The following APBB3 variants were observed in gnomAD, a reference collection of about 807,000 sequenced individuals.
APBB3 encodes amyloid beta precursor protein binding family B member 3, also known as amyloid-beta A4 precursor protein-binding family B member 3.
In APBB3, 50 loss-of-function variants were observed where a neutral mutation model predicts 61.5. The observed-to-expected ratio is 0.81, with a 90% CI of 0.65 to 1.03. The LOEUF is 1.03. APBB3 is among the 50% of genes least tolerant of loss of function. The pLI is 0.00. For synonymous variants in APBB3, 235 were observed against 233.0 expected (o/e 1.01, Z -0.08); for missense variants, 550 against 637.4 (o/e 0.86, Z 1.48).
At position 140,563,901 on chromosome 5, in the gene APBB3, C is replaced by G; in HGVS notation, c.64G>C (p.Asp22His). ...LVNCDDDLWG[D>H]HSLEVEAGLP... ...CCAGCCTCCACCTCCAGACTGTGGT[C>G]CCCCCACAAGTCATCTACAGGAACA... The change falls in exon 2 of 13, where the codon GAC becomes CAC. Residue 22 changes from aspartate (D) to histidine (H), a missense_variant. Asp to His is a moderately conservative substitution (Grantham distance 81). Transcript: ENST00000357560. The G allele has an allele frequency of 6.2e-7, 1 of 1,613,638 alleles. No individual in the cohort carries two copies. The highest frequency in any genetic ancestry group is 8.5e-7 in the Non-Finnish European group (1 of 1,179,894).
intron 3 of APBB3, 120 bp from the exon 4 acceptor site, chr5:140,562,843 A>G: frequency 1.1e-6 from 1 of 897,972 alleles, no homozygotes; most frequent in Non-Finnish European, 1.8e-6. Flanking sequence ...CACCAGAAAT[A>G]TAAAACCAGA....
rs1429641321 is a variant in APBB3 at position 140,562,247 on chromosome 5, G to T, written c.499-20C>A. 1 of 1,613,878 alleles carries T rather than the reference G, an allele frequency of 6.2e-7. No homozygotes were observed. Among genetic ancestry groups the T allele is most frequent in the Non-Finnish European group, 8.5e-7 (1 of 1,179,916 alleles). ...CTGGCCCTGCCAAGGACAGAGGTCA[G>T]CCCAGAGCTCAGATAAAGGTCATTG... On this transcript the variant is annotated intron_variant, in intron 5 of 12. Coordinates refer to ENST00000357560, the MANE Select transcript of APBB3 (RefSeq NM_133173.3).
chr5:140,561,225 TC>T, intron 9 of APBB3, 124 bp from the exon 10 acceptor site: 1 of 1,439,394 alleles, frequency 6.9e-7, no homozygotes, highest in Non-Finnish European at 9.7e-7. Flanking sequence ...TAGATGCTCC[TC>T]CAACTAGTGG....
intron 1 of APBB3, 24 bp from the exon 2 acceptor site, chr5:140,563,939 G>A: frequency 6.2e-7 from 1 of 1,609,512 alleles, no homozygotes; most frequent in Non-Finnish European, 8.5e-7. Flanking sequence ...GGATTAGAGA[G>A]GAGGGAGCAT....
Position 140,562,736 on chromosome 5 carries a change from A to G in APBB3, c.291-13T>C. The G allele has an allele frequency of 6.2e-7, 1 of 1,614,096 alleles. No individual in the cohort carries two copies. Among genetic ancestry groups the G allele is most frequent in the Non-Finnish European group, 8.5e-7 (1 of 1,179,916 alleles). On this transcript the variant is annotated splice_polypyrimidine_tract_variant and intron_variant, in intron 3 of 12. Coordinates refer to ENST00000357560, the MANE Select transcript of APBB3 (RefSeq NM_133173.3). ...GGACAGAGAGTTACTGAAACAGAGC[A>G]GAGCTGTTAAGAGGACCACATTTCC...
In APBB3 at chr5:140,560,459, G is replaced by A. The variant is rs115611231; in HGVS notation, c.1078C>T (p.Arg360Cys). The A allele has an allele frequency of 9.9e-6, 16 of 1,614,076 alleles. No homozygotes were observed. Among genetic ancestry groups the A allele is most frequent in the East Asian group, 2.2e-5 (1 of 44,886 alleles). The change falls in exon 12 of 13, where the codon CGC becomes TGC. Residue 360 changes from arginine (R) to cysteine (C), a missense_variant. Arg to Cys is a radical substitution (Grantham distance 180). This residue lies in a region of APBB3 where 405 missense variants were observed against 483.4 expected (regional missense o/e 0.84). Transcript: ENST00000357560. The surrounding 1 kb of genome is among the most constrained non-coding windows in gnomAD (Gnocchi z 5.1). ...EEEPLWQCPVRLVTFIGVGRD... is the reference protein window; with the variant it reads ...EEEPLWQCPVCLVTFIGVGRD... ...CCAACACCAATAAATGTCACAAGGC[G>A]CACAGGGCACTGCCACAATGGCTCC...
Position 140,560,660 on chromosome 5 carries a change from G to A in APBB3, c.1011C>T (p.Leu337=). 1 of 1,614,136 alleles carries A rather than the reference G, an allele frequency of 6.2e-7. No homozygotes were observed. The highest frequency in any genetic ancestry group is 1.6e-4 in the Middle Eastern group (1 of 6,062). ...VPTMLSVSDS[L]MTAHPIQAEA... ...GTACCTGAATGGGGTGTGCAGTCATGAGAGAGTCAGACACACTGAGCATGG... is the reference window on the plus strand; with the variant it reads ...GTACCTGAATGGGGTGTGCAGTCATAAGAGAGTCAGACACACTGAGCATGG... The change falls in exon 11 of 13, where the codon CTC becomes CTT. Residue 337 remains leucine (L), a synonymous_variant. Coordinates refer to ENST00000357560, the MANE Select transcript of APBB3 (RefSeq NM_133173.3). This position sits in a 1 kb window ranked among gnomAD's most constrained non-coding sequence, Gnocchi z 5.1.
chr5:140,562,762 T>C (rs1755020589), intron 3 of APBB3, 39 bp from the exon 4 acceptor site: 1 of 1,606,248 alleles, frequency 6.2e-7, no homozygotes, highest in Admixed American at 1.7e-5. Flanking sequence ...CCACATTTCC[T>C]ACAGTAGGGA....
chr5:140,561,211 C>G, intron 9 of APBB3, 110 bp from the exon 10 acceptor site: 1 of 1,443,754 alleles, frequency 6.9e-7, no homozygotes, highest in South Asian at 1.2e-5. Flanking sequence ...GAAGAAATGG[C>G]TCATAGATGC....
Position 140,561,855 on chromosome 5 carries a change from CCGGAAGCATG to C in APBB3, c.627-16_627-7del. 1 of 1,613,656 alleles carries C rather than the reference CCGGAAGCATG, an allele frequency of 6.2e-7. No individual in the cohort carries two copies. The highest frequency in any genetic ancestry group is 8.5e-7 in the Non-Finnish European group (1 of 1,179,968). On this transcript the variant is annotated splice_polypyrimidine_tract_variant and splice_region_variant and intron_variant, in intron 6 of 12. Transcript: ENST00000357560. ...TGGTTTTCACTCACCTGTCACTGTTCCGGAAGCATGTGGGAGCACAGAAGGGAATCAGCCC... is the reference window on the plus strand; with the variant it reads ...TGGTTTTCACTCACCTGTCACTGTTCTGGGAGCACAGAAGGGAATCAGCCC...
At chr5:140,559,670 C>G (rs1465243440) in intron 12 of APBB3, among the ~76,000 whole-genome samples, 1 of 152,250 alleles carries the variant, frequency 6.6e-6, no homozygotes, top group Non-Finnish European at 1.5e-5. Context: ...CCCCACTCCC[C>G]TTCACCTGGC....
intron 6 of APBB3, 78 bp downstream of exon 6, chr5:140,562,022 G>A (rs866488878): frequency 8.1e-6 from 13 of 1,612,658 alleles, no homozygotes; most frequent in Middle Eastern, 1.6e-4. Context: ...AAGTACTGGG[G>A]ATCAGCATCA....
chr5:140,562,118 A>G lies in APBB3; in HGVS notation c.608T>C (p.Val203Ala), dbSNP rs763711691. ...TCCTCACCGGCCCTTGGAGCTCCCC[A>G]CGCCCCACACACGGATGTGCACCAG... ...QPLVHIRVWG[V>A]GSSKGRDRDF... The change falls in exon 6 of 13, where the codon GTG (valine) becomes GCG (alanine). Residue 203 changes from valine to alanine, a missense_variant. Physicochemically the swap from Val to Ala is moderately conservative, Grantham distance 64 (BLOSUM62 0). Transcript: ENST00000357560. 5 of 1,613,952 alleles carry G rather than the reference A, an allele frequency of 3.1e-6. No homozygotes were observed. In the South Asian group the frequency reaches 5.5e-5, roughly 18 times the overall value.
Position 140,564,122 on chromosome 5 carries a change from G to GC in APBB3, c.49+74dup. ...GAGAGGTATCCCCCACCGTCTTTGA[G>GC]CCCCAGAGTAGCCTTTCGGATTCCC... On this transcript the variant is annotated intron_variant, in intron 1 of 12. Transcript: ENST00000357560. This position sits in a 1 kb window ranked among gnomAD's most constrained non-coding sequence, Gnocchi z 5.0. 1 of 1,598,544 alleles carries GC rather than the reference G, an allele frequency of 6.3e-7. No individual in the cohort carries two copies. Among genetic ancestry groups the GC allele is most frequent in the East Asian group, 2.2e-5 (1 of 44,682 alleles).
rs763581838 is a variant in APBB3, at chr5:140,562,373, G to GA, written c.477dup (p.Pro160SerfsTer7). ...CTCACCTCACCCCAGGCACCATCTG[G>GA]AGGCTGGCTCCGGCTGCGGGTCTGG... On this transcript the variant is annotated frameshift_variant, in exon 5 of 13. Transcript: ENST00000357560. LOFTEE classifies it high-confidence loss of function. 2.5e-6 allele frequency: 4 copies of GA among 1,614,028 alleles called. No homozygotes were observed. In the African/African-American group the frequency reaches 5.3e-5, roughly 22 times the overall value.
intron 12 of APBB3, among the ~76,000 whole-genome samples, chr5:140,559,911 T>C (rs1054600663): frequency 2.0e-5 from 3 of 152,218 alleles, no homozygotes; most frequent in African/African-American, 7.2e-5. Context: ...GTTGAATGAA[T>C]GGGCAAACTG....
chr5:140,564,325 G>T lies in APBB3; in HGVS notation c.-80C>A. 1 of 1,547,056 alleles carries T rather than the reference G, an allele frequency of 6.5e-7. No individual in the cohort carries two copies. Among genetic ancestry groups the T allele is most frequent in the Non-Finnish European group, 8.8e-7 (1 of 1,138,186 alleles). On this transcript the variant is annotated 5_prime_UTR_variant, in exon 1 of 13. Coordinates refer to ENST00000357560, the MANE Select transcript of APBB3 (RefSeq NM_133173.3). This position sits in a 1 kb window ranked among gnomAD's most constrained non-coding sequence, Gnocchi z 5.0. ...ACCTCTGGAGCTACTGCGCCTGCAAGCCCAGCCTCTCTGCGCCGCAGGCTG... is the reference window on the plus strand; with the variant it reads ...ACCTCTGGAGCTACTGCGCCTGCAATCCCAGCCTCTCTGCGCCGCAGGCTG...
Position 140,562,699 on chromosome 5 carries a change from C to T in APBB3, c.315G>A (p.Gly105=), listed in dbSNP as rs140333079. ...GCTCCATGCTCTGGATGTAGGATTC[C>T]CCACCATACCAGGACAGAGAGTTAC... ...DRSNSLSWYG[G]ESYIQSMEPG... is the part of the protein sequence containing the mutation. Residue 105 remains glycine, a synonymous_variant, in exon 4 of 13, where the codon GGG becomes GGA. Transcript: ENST00000357560. The T allele has an allele frequency of 2.7e-5, 43 of 1,614,086 alleles. No individual in the cohort carries two copies. The African/African-American group carries it at 5.3e-4, about 20-fold the overall frequency.
chr5:140,560,638 C>T lies in APBB3; in HGVS notation c.1032+1G>A. 6.2e-7 allele frequency: 1 copy of T among 1,613,966 alleles called. No homozygotes were observed. The highest frequency in any genetic ancestry group is 1.1e-5 in the South Asian group (1 of 91,078). On this transcript the variant is annotated splice_donor_variant, in intron 11 of 12. Transcript: ENST00000357560. LOFTEE classifies it high-confidence loss of function. This position sits in a 1 kb window ranked among gnomAD's most constrained non-coding sequence, Gnocchi z 5.1. ...CCCCCAACTTCACCCTCTTCTGGTA[C>T]CTGAATGGGGTGTGCAGTCATGAGA... is the stretch of plus-strand genomic sequence containing the variant.
Sources: allele counts gnomAD v4.1 joint callset (sites outside exome capture counted in the v4.1 genomes callset), GRCh38; gene constraint gnomAD v4.1.1; regional missense constraint gnomAD v4.1.1; non-coding constraint Gnocchi (gnomAD v3.1); transcripts MANE v1.5; gene names NCBI Gene and HGNC (gene_info 2026-07-23, HGNC 2026-07-21).